The following PPP1R12B variants were observed in gnomAD, a reference collection of about 807,000 sequenced individuals.
PPP1R12B encodes myosin phosphatase target subunit 2.
PPP1R12B carries 76 observed loss-of-function variants against 126.1 expected under a neutral mutation model. The observed-to-expected ratio is 0.60, with a 90% CI of 0.50 to 0.73. The LOEUF (loss-of-function observed/expected upper bound fraction) is 0.73, where lower values mean the gene tolerates loss of function less well. Among genes scored for constraint, PPP1R12B ranks in the 30% least tolerant of loss-of-function variants. PPP1R12B has a pLI of 0.00. For synonymous variants in PPP1R12B, 356 were observed against 434.7 expected, an observed-to-expected ratio of 0.82 and a Z score of 2.25; for missense variants, 1,052 against 1,205.1, an observed-to-expected ratio of 0.87 and a Z score of 1.88.
chr1:202,379,441 T>G lies in PPP1R12B; in HGVS notation c.291+30299T>G, dbSNP rs185436905. Among the ~76,000 whole-genome samples, 6 of 152,322 alleles carry G rather than the reference T, an allele frequency of 3.9e-5. No individual in the cohort carries two copies. In the East Asian group the frequency reaches 9.6e-4, roughly 24 times the overall value. ...AAGTTTGGAAATCACTGATGAAAACTGATTTGCTCCCTCCGTCCCCATCTC... is the reference window on the plus strand; with the variant it reads ...AAGTTTGGAAATCACTGATGAAAACGGATTTGCTCCCTCCGTCCCCATCTC... On this transcript the variant is annotated intron_variant, in intron 1 of 23. Coordinates refer to ENST00000608999, the MANE Select transcript of PPP1R12B (RefSeq NM_002481.4).
At chr1:202,483,278 CTTTT>C (rs71281161) in intron 13 of PPP1R12B, among the ~76,000 whole-genome samples, 1 of 118,498 alleles carries the variant, frequency 8.4e-6, no homozygotes, top group Non-Finnish European at 1.7e-5. Context: ...TGAAGAACAC[CTTTT>C]TTTTTTTTTT....
chr1:202,481,855 A>G (rs753589457), intron 13 of PPP1R12B, among the ~76,000 whole-genome samples: 27 of 152,222 alleles, frequency 1.8e-4, no homozygotes, highest in Admixed American at 3.9e-4. Flanking sequence ...TTTGAACCAT[A>G]AACCAACCTC....
chr1:202,355,938 G>A (rs186137777), intron 1 of PPP1R12B, among the ~76,000 whole-genome samples: 1 of 152,150 alleles, frequency 6.6e-6, no homozygotes, highest in Admixed American at 6.5e-5. Context: ...GGGAGGCCAA[G>A]GCGGGAGGAT....
Position 202,589,919 on chromosome 1 carries a change from T to C in PPP1R12B, c.*9359T>C, listed in dbSNP as rs1572596094. 6.6e-6 allele frequency: 1 copy of C among 152,178 alleles called. No individual in the cohort carries two copies. Among genetic ancestry groups the C allele is most frequent in the East Asian group, 1.9e-4 (1 of 5,178 alleles). The allele number at this position is 152,178 out of a possible 1,614,324, so 9.4% of individuals were successfully genotyped here. A position where few individuals can be genotyped will look rare whatever the true frequency, so the allele number is the denominator to read the frequency against. The stretch of plus-strand genomic sequence containing the variant: ...GGTGTTCCTGGAGGACAGGTGCTGG[T>C]GTAAACTGACAAAAATGGTAGCTGC... On this transcript the variant is annotated 3_prime_UTR_variant, in exon 24 of 24. Coordinates refer to ENST00000608999, the MANE Select transcript of PPP1R12B (RefSeq NM_002481.4).
chr1:202,469,245 A>G (rs1675503935), intron 13 of PPP1R12B, among the ~76,000 whole-genome samples: 2 of 152,194 alleles, frequency 1.3e-5, no homozygotes, highest in Admixed American at 6.5e-5. Flanking sequence ...GTAGAATAGC[A>G]CTTTTTTTTG....
intron 13 of PPP1R12B, among the ~76,000 whole-genome samples, chr1:202,478,346 A>G (rs1250371125): frequency 2.6e-5 from 4 of 152,224 alleles, no homozygotes; most frequent in African/African-American, 9.6e-5. Flanking sequence ...GTGTTACAGA[A>G]GGACTTAGTC....
rs1158587371 is a variant in PPP1R12B at position 202,439,618 on chromosome 1, G to T, written c.1459-1088G>T. On this transcript the variant is annotated intron_variant, in intron 10 of 23. Transcript: ENST00000608999. Reference sequence around the variant, plus strand: ...CTGTACACCATGGACCCTGCCCTGTGCTCCATAACTCCCCCAGGCTCCCTG... The same window carrying T: ...CTGTACACCATGGACCCTGCCCTGTTCTCCATAACTCCCCCAGGCTCCCTG... The T allele has an allele frequency of 1.5e-4, 142 of 938,578 alleles. No individual in the cohort carries two copies. In the African/African-American group the frequency reaches 1.8e-3, roughly 12 times the overall value. 58.1% of individuals were successfully genotyped at this position (938,578 alleles called of 1,614,324 possible).
intron 1 of PPP1R12B, chr1:202,410,209 C>T (rs1214880030): frequency 6.6e-6 from 1 of 152,200 alleles, no homozygotes; most frequent in African/African-American, 2.4e-5. Flanking sequence ...CTGAAGTAAG[C>T]ATTGATTTGC....
intron 18 of PPP1R12B, among the ~76,000 whole-genome samples, chr1:202,499,461 C>T (rs1488339240): frequency 6.6e-6 from 1 of 152,088 alleles, no homozygotes; most frequent in African/African-American, 2.4e-5. Context: ...CACCACGTTG[C>T]CCAGGCTGGT....
intron 1 of PPP1R12B, among the ~76,000 whole-genome samples, chr1:202,365,348 A>G (rs1659031108): frequency 6.6e-6 from 1 of 151,996 alleles, no homozygotes; most frequent in Non-Finnish European, 1.5e-5. Context: ...AGGCTGAGGC[A>G]GGAAGATTGC....
intron 18 of PPP1R12B, among the ~76,000 whole-genome samples, chr1:202,516,203 T>C (rs905658737): frequency 2.0e-5 from 3 of 152,162 alleles, no homozygotes; most frequent in African/African-American, 7.2e-5. Context: ...ATGATAACAA[T>C]AGTGGTAGTG....
chr1:202,551,754 G>A (rs1686351463), intron 18 of PPP1R12B, among the ~76,000 whole-genome samples: 1 of 152,180 alleles, frequency 6.6e-6, no homozygotes, highest in Non-Finnish European at 1.5e-5. Context: ...GATGGAACGG[G>A]AAGCCAGAGA....
At chr1:202,354,787 A>G (rs1342566788) in intron 1 of PPP1R12B, among the ~76,000 whole-genome samples, 1 of 147,840 alleles carries the variant, frequency 6.8e-6, no homozygotes, top group Non-Finnish European at 1.5e-5. Context: ...AGCTGGGATT[A>G]CAGGGGGGTG....
chr1:202,559,699 G>A (rs1317423553), intron 19 of PPP1R12B, among the ~76,000 whole-genome samples: 1 of 152,174 alleles, frequency 6.6e-6, no homozygotes, highest in Admixed American at 6.5e-5. Flanking sequence ...TAATTTGTTT[G>A]GTATTGAGCT....
rs554120435 is a variant in PPP1R12B, at chr1:202,356,436, A to G, written c.291+7294A>G. On this transcript the variant is annotated intron_variant, in intron 1 of 23. Coordinates refer to ENST00000608999, the MANE Select transcript of PPP1R12B (RefSeq NM_002481.4). Reference sequence around the variant, plus strand: ...AGTTAGAGCTGTTGGAAGATGTGGTAGGCTGACTAATGGTGCCCCAAAAAT... The same window carrying G: ...AGTTAGAGCTGTTGGAAGATGTGGTGGGCTGACTAATGGTGCCCCAAAAAT... Among the ~76,000 whole-genome samples the G allele has an allele frequency of 4.9e-3, 752 of 152,260 alleles. 11 individuals carry two copies. Among genetic ancestry groups the G allele is most frequent in the African/African-American group, 0.017 (686 of 41,554 alleles).
In PPP1R12B at chr1:202,351,208, AGTTTTT is replaced by A. The variant is rs1289264687; in HGVS notation, c.291+2070_291+2075del. On this transcript the variant is annotated intron_variant, in intron 1 of 23. Transcript: ENST00000608999. ...AATGTGTGTCTCCATGACTTGGAGA[AGTTTTT>A]GTTGTTGTTGTTGTTGTTGTTGTTG... Among the ~76,000 whole-genome samples the A allele has an allele frequency of 1.4e-4, 20 of 138,444 alleles. No individual in the cohort carries two copies. The East Asian group carries it at 3.9e-3, about 27-fold the overall frequency. 90.8% of individuals were successfully genotyped at this position (138,444 alleles called of 152,430 possible). A position where few individuals can be genotyped will look rare whatever the true frequency, so the allele number is the denominator to read the frequency against.
intron 18 of PPP1R12B, among the ~76,000 whole-genome samples, chr1:202,511,075 T>G (rs1681437165): frequency 6.8e-6 from 1 of 147,334 alleles, no homozygotes; most frequent in Non-Finnish European, 1.5e-5. Context: ...ATATATTATA[T>G]ATATTAGCAG....
chr1:202,408,580 A>C (rs1036156908), intron 1 of PPP1R12B, among the ~76,000 whole-genome samples: 32 of 152,120 alleles, frequency 2.1e-4, no homozygotes, highest in Non-Finnish European at 4.7e-4. Context: ...AATTAACACA[A>C]ACTTGGTGGC....
At chr1:202,444,230 C>A (rs1417990339) in intron 12 of PPP1R12B, among the ~76,000 whole-genome samples, 2 of 152,174 alleles carry the variant, frequency 1.3e-5, no homozygotes, top group African/African-American at 4.8e-5. Context: ...AAATTCCTTT[C>A]ATATGGCCCA....
Sources: gnomAD v4.1 joint callset for allele counts (sites outside exome capture counted in the v4.1 genomes callset) on GRCh38, gnomAD v4.1.1 for gene constraint, MANE v1.5 for transcripts, NCBI Gene and HGNC (gene_info 2026-07-23, HGNC 2026-07-21) for gene names.